The following SPHKAP variants were observed in gnomAD, a reference collection of about 807,000 sequenced individuals.
The protein encoded by SPHKAP is SPHK1 interactor, AKAP domain containing.
A neutral mutation model predicts 137.5 loss-of-function variants in SPHKAP; 67 were observed. The ratio of observed to expected loss-of-function variants is 0.49; its 90% confidence interval spans 0.40 to 0.60. SPHKAP has a LOEUF of 0.60. SPHKAP is among the 20% of genes least tolerant of loss of function. The probability of loss-of-function intolerance (pLI) is 0.00; values close to 1 mark genes in which losing one functional copy is unlikely to be tolerated. For missense variants in SPHKAP, 2,097 were observed against 2,069.3 expected (o/e 1.01, Z -0.26); for synonymous variants, 813 against 785.3 (o/e 1.04, Z -0.59).
chr2:228,181,634 G>T lies in SPHKAP; in HGVS notation c.-36C>A. The T allele has an allele frequency of 6.2e-7, 1 of 1,614,150 alleles. No individual in the cohort carries two copies. Among genetic ancestry groups the T allele is most frequent in the Non-Finnish European group, 8.5e-7 (1 of 1,180,008 alleles). ...CGCCCAGAGAAGAAAGACGGAAAGTGCAGGCGAAGGATAAGTCTGTGGTGC... is the reference window on the plus strand; with the variant it reads ...CGCCCAGAGAAGAAAGACGGAAAGTTCAGGCGAAGGATAAGTCTGTGGTGC... On this transcript the variant is annotated 5_prime_UTR_variant, in exon 1 of 12. Coordinates refer to ENST00000392056, the MANE Select transcript of SPHKAP (RefSeq NM_001142644.2). This position sits in a 1 kb window ranked among gnomAD's most constrained non-coding sequence, Gnocchi z 4.3.
intron 3 of SPHKAP, among the ~76,000 whole-genome samples, chr2:228,069,567 T>A (rs1411503833): frequency 6.6e-6 from 1 of 151,814 alleles, no homozygotes; most frequent in Non-Finnish European, 1.5e-5. Flanking sequence ...ACTACAGGTG[T>A]GAGCCACTGT....
chr2:228,071,008 T>C (rs923471725), intron 3 of SPHKAP, among the ~76,000 whole-genome samples: 2 of 152,172 alleles, frequency 1.3e-5, no homozygotes, highest in African/African-American at 4.8e-5. Context: ...GCAAGGTACA[T>C]GATGATTTCA....
At chr2:228,015,868 T>C (rs905312645) in intron 7 of SPHKAP, among the ~76,000 whole-genome samples, 2 of 152,198 alleles carry the variant, frequency 1.3e-5, no homozygotes, top group Non-Finnish European at 2.9e-5. Flanking sequence ...AGAAAAATGA[T>C]GCCAAAATAT....
chr2:228,095,645 AT>A (rs895654079), intron 3 of SPHKAP, among the ~76,000 whole-genome samples: 29 of 151,858 alleles, frequency 1.9e-4, no homozygotes, highest in African/African-American at 5.6e-4. Context: ...ATACTTTTTA[AT>A]TTTTTTTTAA....
At chr2:228,108,159 A>G (rs1050228662) in intron 3 of SPHKAP, among the ~76,000 whole-genome samples, 8 of 152,104 alleles carry the variant, frequency 5.3e-5, no homozygotes, top group African/African-American at 1.7e-4. Context: ...CTCTCCCCCA[A>G]TCTCTGTAAT....
chr2:228,051,705 C>T (rs1293968563), intron 3 of SPHKAP, among the ~76,000 whole-genome samples: 1 of 152,202 alleles, frequency 6.6e-6, no homozygotes, highest in Non-Finnish European at 1.5e-5. Flanking sequence ...TGCTATAACA[C>T]AATACCTTAC....
At chr2:228,050,863 G>T (rs1259000320) in intron 3 of SPHKAP, among the ~76,000 whole-genome samples, 3 of 152,068 alleles carry the variant, frequency 2.0e-5, no homozygotes, top group Non-Finnish European at 4.4e-5. Flanking sequence ...CTGGAGTGCT[G>T]TGGTATAATC....
chr2:228,001,230 CAT>C (rs35028587), intron 7 of SPHKAP, among the ~76,000 whole-genome samples: 10,393 of 138,278 alleles, frequency 0.075, 456 homozygotes, highest in African/African-American at 0.098. Flanking sequence ...TTTATATAAA[CAT>C]ATATATATAT....
At chr2:228,051,792 C>A (rs1430477767) in intron 3 of SPHKAP, among the ~76,000 whole-genome samples, 8 of 152,194 alleles carry the variant, frequency 5.3e-5, no homozygotes, top group African/African-American at 1.9e-4. Context: ...AGGACACTGG[C>A]AGATTTCCTG....
chr2:227,993,681 G>A, intron 8 of SPHKAP, 61 bp from the exon 9 acceptor site: 1 of 1,409,678 alleles, frequency 7.1e-7, no homozygotes, highest in Non-Finnish European at 9.8e-7. Context: ...GCTGCTGACA[G>A]TGATGTTCCA....
At chr2:228,108,001 A>G (rs1698397394) in intron 3 of SPHKAP, among the ~76,000 whole-genome samples, 1 of 152,166 alleles carries the variant, frequency 6.6e-6, no homozygotes, top group African/African-American at 2.4e-5. Flanking sequence ...ATTATATATA[A>G]AAAGCCTTGC....
chr2:228,111,390 G>A (rs948026332), intron 2 of SPHKAP, among the ~76,000 whole-genome samples: 5 of 152,094 alleles, frequency 3.3e-5, no homozygotes, highest in African/African-American at 7.2e-5. Context: ...CCATGGAAAC[G>A]GTAAGCTATT....
chr2:228,133,755 A>G (rs1699340550), intron 1 of SPHKAP, among the ~76,000 whole-genome samples: 1 of 152,176 alleles, frequency 6.6e-6, no homozygotes, highest in African/African-American at 2.4e-5. Flanking sequence ...AAATTCATCA[A>G]TTTTCAATTA....
At position 228,021,743 on chromosome 2, in the gene SPHKAP, T is replaced by A. The variant is rs757181869; in HGVS notation, c.665A>T (p.Glu222Val). Residue 222 changes from glutamate to valine, a missense_variant, in exon 6 of 12, where the codon GAG becomes GTG. Glu to Val is a moderately radical substitution (Grantham distance 121). Coordinates refer to ENST00000392056, the MANE Select transcript of SPHKAP (RefSeq NM_001142644.2). ...EDFLTASEHL[E>V]EESEVDESRN... ...AGATTCATCCACCTCGCTTTCCTCC[T>A]CCAAGTGCTCAGAAGCGGTGAGAAA... is the stretch of plus-strand genomic sequence containing the variant. 5 of 1,613,840 alleles carry A rather than the reference T, an allele frequency of 3.1e-6. No homozygotes were observed. In the African/African-American group the frequency reaches 6.7e-5, roughly 22 times the overall value.
At chr2:228,064,867 T>C (rs1327417279) in intron 3 of SPHKAP, among the ~76,000 whole-genome samples, 2 of 152,244 alleles carry the variant, frequency 1.3e-5, no homozygotes, top group East Asian at 3.8e-4. Flanking sequence ...CATCACTGGA[T>C]GGCCTTGGGT....
intron 3 of SPHKAP, among the ~76,000 whole-genome samples, chr2:228,030,513 C>CAAAAAAAAAAAA (rs11287311): frequency 2.1e-5 from 1 of 48,776 alleles, no homozygotes; most frequent in African/African-American, 7.4e-5. Flanking sequence ...GATACCATCT[C>CAAAAAAAAAAAA]AAAAAAAAAA....
chr2:228,134,138 A>AAG (rs1274107609), intron 1 of SPHKAP, among the ~76,000 whole-genome samples: 1 of 51,126 alleles, frequency 2.0e-5, no homozygotes, highest in African/African-American at 7.8e-5. Flanking sequence ...AAGAAAGAGA[A>AAG]AGAGAAAGAA....
intron 1 of SPHKAP, among the ~76,000 whole-genome samples, chr2:228,156,583 G>A (rs1457920926): frequency 6.6e-6 from 1 of 152,194 alleles, no homozygotes; most frequent in South Asian, 2.1e-4. Flanking sequence ...AAATCTGTGT[G>A]CATGTTCATT....
intron 1 of SPHKAP, among the ~76,000 whole-genome samples, chr2:228,163,310 A>G (rs1700329820): frequency 6.6e-6 from 1 of 152,154 alleles, no homozygotes; most frequent in Non-Finnish European, 1.5e-5. Context: ...AGACAGAGAG[A>G]TGAGAGAGAG....
Sources: allele counts gnomAD v4.1 joint callset (sites outside exome capture counted in the v4.1 genomes callset), GRCh38; gene constraint gnomAD v4.1.1; non-coding constraint Gnocchi (gnomAD v3.1); transcripts MANE v1.5; gene names NCBI Gene and HGNC (gene_info 2026-07-23, HGNC 2026-07-21).